The following GALNT1 variants were observed in gnomAD, a reference collection of about 807,000 sequenced individuals.
GALNT1 encodes the protein GalNAc transferase 1.
Under a neutral mutation model 65.7 loss-of-function variants are expected in GALNT1, and 17 were observed. That is an observed-to-expected ratio of 0.26 (90% CI 0.18 to 0.39). The LOEUF (loss-of-function observed/expected upper bound fraction) is 0.39, where lower values mean the gene tolerates loss of function less well. Among genes scored for constraint, GALNT1 ranks in the 10% least tolerant of loss-of-function variants. GALNT1 has a pLI of 1.00. For synonymous variants in GALNT1, 210 were observed against 219.7 expected, an observed-to-expected ratio of 0.96 and a Z score of 0.39; for missense variants, 460 against 672.8, an observed-to-expected ratio of 0.68 and a Z score of 3.50.
chr18:35,701,805 A>G (rs2048168443), intron 9 of GALNT1, among the ~76,000 whole-genome samples: 1 of 152,208 alleles, frequency 6.6e-6, no homozygotes, highest in Admixed American at 6.5e-5. Context: ...TAGAAAATTG[A>G]GAAATTCTGT....
chr18:35,639,643 T>C (rs955638823), intron 1 of GALNT1, among the ~76,000 whole-genome samples: 6 of 152,214 alleles, frequency 3.9e-5, no homozygotes, highest in African/African-American at 1.4e-4. Context: ...AGTAATGATA[T>C]CATTTTGAGA....
In GALNT1 at chr18:35,698,012, G is replaced by A. The variant is rs112780921; in HGVS notation, c.1300-4885G>A. Among the ~76,000 whole-genome samples the A allele has an allele frequency of 2.7e-3, 405 of 152,260 alleles. 5 individuals are homozygous for A. The highest frequency in any genetic ancestry group is 9.0e-3 in the African/African-American group (373 of 41,534). ...CAAACCAAACTTGGGCACTTTCCAC[G>A]TGACTTTCATAGGGTGGCCAATGGT... On this transcript the variant is annotated intron_variant, in intron 9 of 11. Transcript: ENST00000269195.
At chr18:35,622,713 CTT>C (rs901158349) in intron 1 of GALNT1, among the ~76,000 whole-genome samples, 2 of 151,532 alleles carry the variant, frequency 1.3e-5, no homozygotes, top group African/African-American at 2.4e-5. Flanking sequence ...TTCTAAATCT[CTT>C]TTTTTTTCCT....
chr18:35,663,018 T>A (rs1301258869), intron 2 of GALNT1, among the ~76,000 whole-genome samples: 1 of 152,146 alleles, frequency 6.6e-6, no homozygotes, highest in Non-Finnish European at 1.5e-5. Flanking sequence ...AATGAAATAA[T>A]GTGATAGTCA....
chr18:35,682,908 T>A (rs1454398352), intron 4 of GALNT1, among the ~76,000 whole-genome samples: 16 of 118,454 alleles, frequency 1.4e-4, no homozygotes, highest in Admixed American at 3.6e-4. Context: ...GCCCCCTGAT[T>A]AAAAAAAAAA....
rs1359180139 is a variant in GALNT1, at chr18:35,703,076, T to A, written c.1398+81T>A. 3 of 744,488 alleles carry A rather than the reference T, an allele frequency of 4.0e-6. No homozygotes were observed. The East Asian group carries it at 8.2e-5, about 20-fold the overall frequency. The allele number at this position is 744,488 out of a possible 1,614,324, so 46.1% of individuals were successfully genotyped here. A position where few individuals can be genotyped will look rare whatever the true frequency, so the allele number is the denominator to read the frequency against. On this transcript the variant is annotated intron_variant, in intron 10 of 11. Coordinates refer to ENST00000269195, the MANE Select transcript of GALNT1 (RefSeq NM_020474.4). ...CCTTTTTTTTATACCATGACATCAT[T>A]CAGGAAATATTTTCCTTCCTTTAAA...
intron 1 of GALNT1, among the ~76,000 whole-genome samples, chr18:35,587,424 T>A (rs2046390190): frequency 6.6e-6 from 1 of 152,224 alleles, no homozygotes; most frequent in African/African-American, 2.4e-5. Flanking sequence ...GTCTTTGTGA[T>A]CTTGGGGGAA....
rs747427766 is a variant in GALNT1 at position 35,683,591 on chromosome 18, C to G, written c.682C>G (p.His228Asp). The change falls in exon 5 of 12, where the codon CAT becomes GAT. Residue 228 changes from histidine to aspartate, a missense_variant. Transcript: ENST00000269195. ...GGAGCCTCTCTTGGCCAGGATCAAA[C>G]ATGACAGGTAATTTTCTGGTGTCTG... The part of the protein sequence containing the change: ...WLEPLLARIK[H>D]DRRTVVCPII... The G allele has an allele frequency of 6.2e-7, 1 of 1,613,118 alleles. No homozygotes were observed. The highest frequency in any genetic ancestry group is 8.5e-7 in the Non-Finnish European group (1 of 1,179,500).
At chr18:35,700,297 A>C (rs1420265445) in intron 9 of GALNT1, among the ~76,000 whole-genome samples, 2 of 152,192 alleles carry the variant, frequency 1.3e-5, no homozygotes, top group Non-Finnish European at 2.9e-5. Context: ...CTGTCCTCTA[A>C]TGTGAAATTC....
chr18:35,701,814 G>C (rs2048168713), intron 9 of GALNT1, among the ~76,000 whole-genome samples: 1 of 152,176 alleles, frequency 6.6e-6, no homozygotes, highest in Admixed American at 6.5e-5. Context: ...GAGAAATTCT[G>C]TTTTGAACGA....
intron 1 of GALNT1, among the ~76,000 whole-genome samples, chr18:35,608,104 T>TC (rs765438741): frequency 6.6e-6 from 1 of 152,190 alleles, no homozygotes; most frequent in African/African-American, 2.4e-5. Flanking sequence ...ATTTCTTAGA[T>TC]CCCTCTCTAG....
At chr18:35,662,749 A>G (rs2047495052) in intron 2 of GALNT1, among the ~76,000 whole-genome samples, 1 of 152,220 alleles carries the variant, frequency 6.6e-6, no homozygotes, top group Non-Finnish European at 1.5e-5. Flanking sequence ...CATCCCTTAT[A>G]GATGAGAAGT....
At chr18:35,709,137 G>T (rs1056651536) in intron 11 of GALNT1, among the ~76,000 whole-genome samples, 4 of 152,182 alleles carry the variant, frequency 2.6e-5, no homozygotes, top group African/African-American at 9.7e-5. Context: ...CTAAAAACTT[G>T]AGCTTTGGAA....
chr18:35,633,063 T>C (rs973530350), intron 1 of GALNT1, among the ~76,000 whole-genome samples: 9 of 152,208 alleles, frequency 5.9e-5, no homozygotes, highest in African/African-American at 2.2e-4. Flanking sequence ...GGAGAGGTTG[T>C]GGAGAAATAG....
chr18:35,692,033 G>T, intron 8 of GALNT1, 148 bp from the exon 9 acceptor site: 3 of 587,650 alleles, frequency 5.1e-6, no homozygotes, highest in Non-Finnish European at 8.8e-6. Context: ...TATACTTTTG[G>T]TGGATTCATG....
intron 1 of GALNT1, among the ~76,000 whole-genome samples, chr18:35,635,945 T>C (rs1211564472): frequency 6.6e-6 from 1 of 152,148 alleles, no homozygotes; most frequent in Admixed American, 6.6e-5. Flanking sequence ...AATGGGATCC[T>C]TTTTTACAGA....
chr18:35,692,389 G>A, intron 9 of GALNT1, 69 bp downstream of exon 9: 1 of 1,028,662 alleles, frequency 9.7e-7, no homozygotes, highest in Non-Finnish European at 1.3e-6. Flanking sequence ...AAAAAAATAG[G>A]AGTTAGTTAA....
At chr18:35,636,438 GA>G (rs146062356) in intron 1 of GALNT1, among the ~76,000 whole-genome samples, 2,408 of 152,232 alleles carry the variant, frequency 0.016, 31 homozygotes, top group African/African-American at 0.028. Flanking sequence ...AACAACTGTA[GA>G]AAAAACTTAC....
chr18:35,668,684 C>T (rs1174424720), intron 3 of GALNT1, among the ~76,000 whole-genome samples: 2 of 152,082 alleles, frequency 1.3e-5, no homozygotes, highest in South Asian at 2.1e-4. Context: ...TGAATAAGGA[C>T]TAGATACCTG....
Sources: gnomAD v4.1 joint callset for allele counts (sites outside exome capture counted in the v4.1 genomes callset) on GRCh38, gnomAD v4.1.1 for gene constraint, MANE v1.5 for transcripts, NCBI Gene and HGNC (gene_info 2026-07-23, HGNC 2026-07-21) for gene names.